The following PRKN variants were observed in gnomAD, a reference collection of about 807,000 sequenced individuals.
PRKN encodes the protein parkin RBR E3 ubiquitin protein ligase, also known as E3 ubiquitin-protein ligase parkin.
A neutral mutation model predicts 59.5 loss-of-function variants in PRKN; 56 were observed. That is an observed-to-expected ratio of 0.94 (90% confidence interval 0.76 to 1.18). The LOEUF (loss-of-function observed/expected upper bound fraction) is 1.18, where lower values mean the gene tolerates loss of function less well. Among genes scored for constraint, PRKN ranks in the 50% most tolerant of loss-of-function variants. PRKN has a pLI of 0.00. For synonymous variants in PRKN, 250 were observed against 222.1 expected, an observed-to-expected ratio of 1.13 and a Z score of -1.12; for missense variants, 657 against 596.4, an observed-to-expected ratio of 1.10 and a Z score of -1.06.
intron 1 of PRKN, among the ~76,000 whole-genome samples, chr6:162,451,201 G>C (rs572946571): frequency 5.8e-4 from 88 of 152,062 alleles, no homozygotes; most frequent in African/African-American, 2.1e-3. Context: ...CGTTTATAAT[G>C]TCTGCGATAT....
At chr6:161,532,009 T>C (rs1209359935) in intron 9 of PRKN, among the ~76,000 whole-genome samples, 4 of 152,156 alleles carry the variant, frequency 2.6e-5, no homozygotes, top group South Asian at 4.1e-4. Context: ...AAGAAGGAGT[T>C]TGGGGTAAAA....
chr6:161,354,977 C>A lies in PRKN; in HGVS notation c.1286-4766G>T, dbSNP rs903276329. 2.6e-5 allele frequency among the ~76,000 whole-genome samples: 4 copies of A among 152,336 alleles called. No homozygotes were observed. Among genetic ancestry groups the A allele is most frequent in the East Asian group, 1.9e-4 (1 of 5,186 alleles). On this transcript the variant is annotated intron_variant, in intron 11 of 11. Transcript: ENST00000366898. This position sits in a 1 kb window ranked among gnomAD's most constrained non-coding sequence, Gnocchi z 6.7. ...CTGCCAGCATGTTCTGAGTCCAGGG[C>A]AGATCCGATGAATAATTTTCCTGCT...
intron 9 of PRKN, among the ~76,000 whole-genome samples, chr6:161,485,749 A>T (rs1004472987): frequency 1.3e-5 from 2 of 152,026 alleles, no homozygotes; most frequent in African/African-American, 4.8e-5. Flanking sequence ...AATATTTTAG[A>T]CTGAACTGGG....
intron 6 of PRKN, among the ~76,000 whole-genome samples, chr6:161,931,728 A>G (rs1459507682): frequency 6.6e-6 from 1 of 152,186 alleles, no homozygotes; most frequent in Admixed American, 6.5e-5. Context: ...AGCACACAAA[A>G]TATTTAATAA....
rs192572757 is a variant in PRKN, at chr6:162,110,239, T to C, written c.535-56065A>G. On this transcript the variant is annotated intron_variant, in intron 4 of 11. Coordinates refer to ENST00000366898, the MANE Select transcript of PRKN (RefSeq NM_004562.3). Reference sequence around the variant, plus strand: ...TAATTCTATGGTATTCCTGAAGTTATATGAATGAACTCATTAATGCACACA... The same window carrying C: ...TAATTCTATGGTATTCCTGAAGTTACATGAATGAACTCATTAATGCACACA... Among the ~76,000 whole-genome samples, 725 of 152,316 alleles carry C rather than the reference T, an allele frequency of 4.8e-3. 3 individuals are homozygous for C. The highest frequency in any genetic ancestry group is 7.5e-3 in the Non-Finnish European group (513 of 68,030).
rs570647766 is a variant in PRKN at position 161,795,618 on chromosome 6, A to G, written c.735-9710T>C. The stretch of plus-strand genomic sequence containing the variant: ...AACATATACTAATTGGAAGGCTACT[A>G]TGCACCGGTCCCTGCACTAGACCTG... On this transcript the variant is annotated intron_variant, in intron 6 of 11. Coordinates refer to ENST00000366898, the MANE Select transcript of PRKN (RefSeq NM_004562.3). Among the ~76,000 whole-genome samples, 424 of 152,122 alleles carry G rather than the reference A, an allele frequency of 2.8e-3. 3 individuals carry two copies. The highest frequency in any genetic ancestry group is 9.8e-3 in the African/African-American group (406 of 41,494).
At chr6:162,366,623 C>T (rs1051726860) in intron 2 of PRKN, among the ~76,000 whole-genome samples, 8 of 152,008 alleles carry the variant, frequency 5.3e-5, no homozygotes, top group South Asian at 2.1e-4. Flanking sequence ...TGTTTATTCC[C>T]GGCCAGGCAC....
At chr6:162,420,549 A>T (rs1788908992) in intron 2 of PRKN, among the ~76,000 whole-genome samples, 1 of 152,204 alleles carries the variant, frequency 6.6e-6, no homozygotes, top group South Asian at 2.1e-4. Flanking sequence ...TGGAACTCTT[A>T]AAACTGCATT....
intron 2 of PRKN, among the ~76,000 whole-genome samples, chr6:162,291,003 G>A (rs984687044): frequency 9.2e-5 from 14 of 152,188 alleles, no homozygotes; most frequent in Non-Finnish European, 1.6e-4. Context: ...GAGATAGTAG[G>A]ATAACTGTGT....
intron 1 of PRKN, among the ~76,000 whole-genome samples, chr6:162,466,064 T>C (rs528055772): frequency 2.5e-4 from 38 of 152,328 alleles, no homozygotes; most frequent in Admixed American, 4.6e-4. Context: ...CTTGCAGATA[T>C]ATATTTTTAT....
At chr6:162,654,676 C>A (rs1306367523) in intron 1 of PRKN, among the ~76,000 whole-genome samples, 2 of 152,138 alleles carry the variant, frequency 1.3e-5, no homozygotes, top group African/African-American at 4.8e-5. Flanking sequence ...TCTCATGCTG[C>A]CAGTGGAGAC....
intron 6 of PRKN, among the ~76,000 whole-genome samples, chr6:161,873,250 C>T (rs551675649): frequency 1.3e-4 from 20 of 152,022 alleles, no homozygotes; most frequent in African/African-American, 4.3e-4. Context: ...CTGCCTCTCC[C>T]GGTCCTTCCC....
intron 6 of PRKN, among the ~76,000 whole-genome samples, chr6:161,923,113 A>G (rs564465687): frequency 6.6e-6 from 1 of 152,290 alleles, no homozygotes; most frequent in Admixed American, 6.5e-5. Context: ...CACACCTTCA[A>G]GTGTACATTT....
intron 2 of PRKN, among the ~76,000 whole-genome samples, chr6:162,315,010 A>G (rs1782688335): frequency 6.6e-6 from 1 of 152,182 alleles, no homozygotes; most frequent in Non-Finnish European, 1.5e-5. Flanking sequence ...ATATTTCAAA[A>G]TTAGTATTTT....
At chr6:161,541,881 G>A (rs750772122) in intron 9 of PRKN, among the ~76,000 whole-genome samples, 19 of 151,914 alleles carry the variant, frequency 1.3e-4, no homozygotes, top group Non-Finnish European at 2.5e-4. Flanking sequence ...AACAAAAACT[G>A]GCTAAAGACA....
intron 7 of PRKN, among the ~76,000 whole-genome samples, chr6:161,602,713 CT>C (rs570408310): frequency 1.3e-3 from 205 of 152,320 alleles, no homozygotes; most frequent in African/African-American, 4.8e-3. Flanking sequence ...CTTGTATTTA[CT>C]TCATTTCAAC....
At chr6:161,993,940 A>G (rs999690274) in intron 5 of PRKN, among the ~76,000 whole-genome samples, 2 of 152,148 alleles carry the variant, frequency 1.3e-5, no homozygotes, top group African/African-American at 4.8e-5. Context: ...GAACTAATAC[A>G]GCCCCTTACC....
intron 9 of PRKN, among the ~76,000 whole-genome samples, chr6:161,416,777 A>G (rs1254154955): frequency 3.3e-5 from 5 of 152,208 alleles, no homozygotes; most frequent in African/African-American, 9.7e-5. Context: ...CAAGGCTTGT[A>G]TCAACCGTGC....
At chr6:161,403,908 T>C (rs1165408285) in intron 9 of PRKN, among the ~76,000 whole-genome samples, 3 of 152,200 alleles carry the variant, frequency 2.0e-5, no homozygotes, top group African/African-American at 7.2e-5. Context: ...TGCTGTGGGA[T>C]GATCCTGGCC....
Sources: allele counts gnomAD v4.1 joint callset (sites outside exome capture counted in the v4.1 genomes callset), GRCh38; gene constraint gnomAD v4.1.1; non-coding constraint Gnocchi (gnomAD v3.1); transcripts MANE v1.5; gene names NCBI Gene and HGNC (gene_info 2026-07-23, HGNC 2026-07-21).